CSMD1: variants seen among roughly 807,000 people sequenced by gnomAD.
The protein encoded by CSMD1 is CUB and sushi domain-containing protein 1.
Under a neutral mutation model 417.5 loss-of-function variants are expected in CSMD1, and 213 were observed. That is an observed-to-expected ratio of 0.51 (90% CI 0.46 to 0.57). CSMD1 has a LOEUF of 0.57. CSMD1 is among the 20% of genes least tolerant of loss of function. The pLI, the probability that CSMD1 is intolerant of heterozygous loss-of-function variation, is 0.00. For synonymous variants in CSMD1, 2,862 were observed against 1,736.8 expected, an observed-to-expected ratio of 1.65 and a Z score of -16.11; for missense variants, 6,923 against 4,529.7, an observed-to-expected ratio of 1.53 and a Z score of -15.17.
At chr8:4,107,870 A>G (rs900582402) in intron 3 of CSMD1, among the ~76,000 whole-genome samples, 2 of 152,180 alleles carry the variant, frequency 1.3e-5, no homozygotes, top group Non-Finnish European at 2.9e-5. Context: ...AATAGAAGGA[A>G]TTACTCACTC....
At chr8:4,165,655 G>A (rs952198834) in intron 3 of CSMD1, among the ~76,000 whole-genome samples, 1 of 152,076 alleles carries the variant, frequency 6.6e-6, no homozygotes, top group African/African-American at 2.4e-5. Context: ...ATTGAACCTT[G>A]GCCTCCCAAA....
intron 1 of CSMD1, among the ~76,000 whole-genome samples, chr8:4,793,835 G>A (rs1326236121): frequency 9.8e-5 from 13 of 132,404 alleles, no homozygotes; most frequent in African/African-American, 1.9e-4. Flanking sequence ...CCCAGAATAG[G>A]AAAAAAAAAA....
intron 2 of CSMD1, among the ~76,000 whole-genome samples, chr8:4,438,582 G>A (rs1030548555): frequency 5.3e-5 from 8 of 152,120 alleles, no homozygotes; most frequent in East Asian, 1.9e-4. Flanking sequence ...GGGGAGCCCT[G>A]CACAGTCACA....
At chr8:4,546,999 C>A (rs921971872) in intron 2 of CSMD1, among the ~76,000 whole-genome samples, 2 of 152,122 alleles carry the variant, frequency 1.3e-5, no homozygotes, top group Non-Finnish European at 2.9e-5. Flanking sequence ...GCCCTACATC[C>A]TTATCTATAA....
intron 3 of CSMD1, among the ~76,000 whole-genome samples, chr8:4,201,821 G>T (rs1280865245): frequency 6.8e-6 from 1 of 147,696 alleles, no homozygotes; most frequent in Non-Finnish European, 1.5e-5. Flanking sequence ...AAATTCTTCA[G>T]TGCTCCTTAT....
At chr8:4,517,043 ATC>A (rs1803163266) in intron 2 of CSMD1, among the ~76,000 whole-genome samples, 1 of 152,180 alleles carries the variant, frequency 6.6e-6, no homozygotes, top group Non-Finnish European at 1.5e-5. Context: ...AATTATTTAG[ATC>A]TCTGTTTTTC....
chr8:4,008,655 G>A lies in CSMD1; in HGVS notation c.611-10545C>T, dbSNP rs543055724. 1.7e-3 allele frequency among the ~76,000 whole-genome samples: 211 copies of A among 126,588 alleles called. 3 individuals carry two copies. Among genetic ancestry groups the A allele is most frequent in the African/African-American group, 5.9e-3 (195 of 32,802 alleles). The allele number at this position is 126,588 out of a possible 152,430, so 83.0% of individuals were successfully genotyped here. A position where few individuals can be genotyped will look rare whatever the true frequency, so the allele number is the denominator to read the frequency against. On this transcript the variant is annotated intron_variant, in intron 4 of 69. Transcript: ENST00000635120. ...AGACAGGGTCTCGCTCTGTCGCCCA[G>A]GCTGGAGTGCAGTGGTGCGATCTCA...
intron 5 of CSMD1, among the ~76,000 whole-genome samples, chr8:3,969,608 A>G (rs1273954440): frequency 6.6e-6 from 1 of 152,232 alleles, no homozygotes; most frequent in Non-Finnish European, 1.5e-5. Flanking sequence ...GTAACTTGAC[A>G]TAAAATTAAA....
Position 3,274,124 on chromosome 8 carries a change from T to A in CSMD1, c.4153+10020A>T, listed in dbSNP as rs532348939. Among the ~76,000 whole-genome samples, 7 of 152,122 alleles carry A rather than the reference T, an allele frequency of 4.6e-5. No homozygotes were observed. In the East Asian group the frequency reaches 1.2e-3, roughly 25 times the overall value. On this transcript the variant is annotated intron_variant, in intron 26 of 69. Coordinates refer to ENST00000635120, the MANE Select transcript of CSMD1 (RefSeq NM_033225.6). ...ATGTGTCCCAGAGACTCTGGTATGTTGTGTCTTTGTTCTCGTTGGTTTCAA... is the reference window on the plus strand; with the variant it reads ...ATGTGTCCCAGAGACTCTGGTATGTAGTGTCTTTGTTCTCGTTGGTTTCAA...
At chr8:4,838,911 T>C (rs1307045326) in intron 1 of CSMD1, among the ~76,000 whole-genome samples, 1 of 152,228 alleles carries the variant, frequency 6.6e-6, no homozygotes, top group Non-Finnish European at 1.5e-5. Flanking sequence ...CTCTAAAGGT[T>C]ACATAAACTT....
chr8:3,059,165 G>A (rs570254279), intron 49 of CSMD1, among the ~76,000 whole-genome samples: 3 of 150,540 alleles, frequency 2.0e-5, no homozygotes, highest in Non-Finnish European at 4.4e-5. Flanking sequence ...ATTTTAGCAC[G>A]ACTATTAATA....
At chr8:4,263,336 C>T (rs999339053) in intron 3 of CSMD1, among the ~76,000 whole-genome samples, 6 of 152,124 alleles carry the variant, frequency 3.9e-5, no homozygotes, top group Non-Finnish European at 7.3e-5. Flanking sequence ...TGACTTCTTT[C>T]CCCTGGAGTT....
chr8:3,282,294 G>A (rs1249523190), intron 26 of CSMD1, among the ~76,000 whole-genome samples: 1 of 152,114 alleles, frequency 6.6e-6, no homozygotes, highest in South Asian at 2.1e-4. Flanking sequence ...GGAGGAGGCT[G>A]TGTGCTGTGG....
At chr8:3,028,567 T>G (rs1810115243) in intron 51 of CSMD1, among the ~76,000 whole-genome samples, 1 of 152,218 alleles carries the variant, frequency 6.6e-6, no homozygotes, top group African/African-American at 2.4e-5. Context: ...ATCTTTGTGT[T>G]CCTGGTGAAG....
intron 47 of CSMD1, among the ~76,000 whole-genome samples, chr8:3,092,346 G>A (rs1306326432): frequency 6.6e-6 from 1 of 151,918 alleles, no homozygotes; most frequent in Non-Finnish European, 1.5e-5. Context: ...AAATATAATA[G>A]GATAACAATT....
chr8:4,305,268 C>A lies in CSMD1; in HGVS notation c.415+114685G>T, dbSNP rs184609366. 7.9e-5 allele frequency among the ~76,000 whole-genome samples: 12 copies of A among 152,312 alleles called. No individual in the cohort carries two copies. The East Asian group carries it at 2.3e-3, about 29-fold the overall frequency. On this transcript the variant is annotated intron_variant, in intron 3 of 69. Coordinates refer to ENST00000635120, the MANE Select transcript of CSMD1 (RefSeq NM_033225.6). The stretch of plus-strand genomic sequence containing the variant: ...TTAGCTAAATCGGCCATTTCCAATG[C>A]CTGGGAACTGAGCTGCATCAGCCTC...
At chr8:3,356,536 G>T (rs1236370209) in intron 21 of CSMD1, among the ~76,000 whole-genome samples, 1 of 152,134 alleles carries the variant, frequency 6.6e-6, no homozygotes, top group South Asian at 2.1e-4. Flanking sequence ...TTAGCCGGGC[G>T]TGGTGGCATG....
At chr8:3,785,107 T>C (rs1799382122) in intron 5 of CSMD1, among the ~76,000 whole-genome samples, 1 of 152,198 alleles carries the variant, frequency 6.6e-6, no homozygotes, top group Admixed American at 6.5e-5. Context: ...TGAATTTGAA[T>C]CCTGGTCCTA....
intron 3 of CSMD1, among the ~76,000 whole-genome samples, chr8:4,331,148 T>G (rs1799848414): frequency 6.6e-6 from 1 of 152,164 alleles, no homozygotes; most frequent in Admixed American, 6.6e-5. Flanking sequence ...CGAACTATCC[T>G]CCCCAAATTA....
Sources: allele counts gnomAD v4.1 joint callset (sites outside exome capture counted in the v4.1 genomes callset), GRCh38; gene constraint gnomAD v4.1.1; transcripts MANE v1.5; gene names NCBI Gene and HGNC (gene_info 2026-07-23, HGNC 2026-07-21).